Variants in PPP1R1C observed in about 807,000 individuals in gnomAD.
PPP1R1C encodes protein phosphatase 1 regulatory subunit 1C.
Under a neutral mutation model 17.4 loss-of-function variants are expected in PPP1R1C, and 15 were observed. The observed-to-expected ratio is 0.86, with a 90% CI of 0.58 to 1.33. The LOEUF (loss-of-function observed/expected upper bound fraction) is 1.33. Ranked by LOEUF, PPP1R1C falls within the 40% of genes most tolerant of loss-of-function variation. The pLI is 0.00. For synonymous variants in PPP1R1C, 35 were observed against 43.1 expected (o/e 0.81, Z 0.73); for missense variants, 143 against 130.0 (o/e 1.10, Z -0.48).
In PPP1R1C at chr2:181,957,393, A is replaced by G. The variant is rs950798344; in HGVS notation, n.111+2759A>G. ...AAAAAAATTGTGCTAACTCTTATCA[A>G]GCAAGCCCTTGAAATTCCACTCAAT... On this transcript the variant is annotated intron_variant and non_coding_transcript_variant, in intron 1 of 5. Coordinates refer to the PPP1R1C transcript ENST00000464264. This position sits in a 1 kb window ranked among gnomAD's most constrained non-coding sequence, Gnocchi z 4.2. Among the ~76,000 whole-genome samples the G allele has an allele frequency of 6.6e-6, 1 of 152,138 alleles. No individual in the cohort carries two copies. Among genetic ancestry groups the G allele is most frequent in the Admixed American group, 6.5e-5 (1 of 15,274 alleles).
At chr2:182,118,225 A>G (rs1374444146), downstream of PPP1R1C, among the ~76,000 whole-genome samples, 3 of 152,188 alleles carry the variant, frequency 2.0e-5, no homozygotes, top group Non-Finnish European at 4.4e-5. Context: ...TTATAGAAAT[A>G]AAAGAAAGAT....
chr2:182,058,103 A>T (rs1340992082), intron 2 of PPP1R1C, among the ~76,000 whole-genome samples: 1 of 152,100 alleles, frequency 6.6e-6, no homozygotes, highest in Non-Finnish European at 1.5e-5. Context: ...ACTGAAACCC[A>T]TAGTTTATTG....
At chr2:182,015,223 A>G (rs1422334809) in intron 2 of PPP1R1C, among the ~76,000 whole-genome samples, 1 of 152,162 alleles carries the variant, frequency 6.6e-6, no homozygotes, top group Non-Finnish European at 1.5e-5. Flanking sequence ...TAATTGAATC[A>G]TGGGGGCAGT....
At chr2:181,983,368 C>T (rs944485236), upstream of PPP1R1C, among the ~76,000 whole-genome samples, 7 of 152,128 alleles carry the variant, frequency 4.6e-5, no homozygotes, top group African/African-American at 1.7e-4. Flanking sequence ...TAATATCTAC[C>T]TCAAACAGTT....
chr2:182,067,355 C>A (rs1421671651), intron 4 of PPP1R1C, among the ~76,000 whole-genome samples: 1 of 150,878 alleles, frequency 6.6e-6, no homozygotes. Context: ...TTTTTTTCAA[C>A]CCCTTCTCAT....
At chr2:182,054,426 T>G (rs1295992649) in intron 2 of PPP1R1C, among the ~76,000 whole-genome samples, 1 of 152,192 alleles carries the variant, frequency 6.6e-6, no homozygotes, top group Non-Finnish European at 1.5e-5. Flanking sequence ...TTGCTACTAC[T>G]TTATATTTAT....
chr2:182,083,673 C>T (rs1446105596), intron 4 of PPP1R1C, among the ~76,000 whole-genome samples: 2 of 152,030 alleles, frequency 1.3e-5, no homozygotes, highest in Non-Finnish European at 2.9e-5. Flanking sequence ...TTGATGGGCA[C>T]TTAGTTTTGT....
downstream of PPP1R1C, among the ~76,000 whole-genome samples, chr2:182,118,707 A>G (rs1054739775): frequency 6.6e-6 from 1 of 152,116 alleles, no homozygotes; most frequent in Admixed American, 6.6e-5. Context: ...TTTCCCCAAG[A>G]AAATAAGTGT....
chr2:181,974,252 A>C (rs1321764374), intron 1 of PPP1R1C, among the ~76,000 whole-genome samples: 1 of 152,180 alleles, frequency 6.6e-6, no homozygotes, highest in Non-Finnish European at 1.5e-5. Flanking sequence ...GGTTGTGAAT[A>C]TTAATTAAAA....
intron 1 of PPP1R1C, among the ~76,000 whole-genome samples, chr2:181,955,402 G>C (rs889314296): frequency 5.3e-5 from 8 of 152,088 alleles, no homozygotes; most frequent in African/African-American, 1.9e-4. Flanking sequence ...TTTTCCACCA[G>C]GGAAAGGCCA....
chr2:182,001,278 G>A (rs1276935797), intron 2 of PPP1R1C, among the ~76,000 whole-genome samples: 1 of 152,128 alleles, frequency 6.6e-6, no homozygotes, highest in African/African-American at 2.4e-5. Flanking sequence ...GACTGCAGAT[G>A]CATAGACAAT....
At position 182,000,522 on chromosome 2, in the gene PPP1R1C, A is replaced by T. The variant is rs531619003; in HGVS notation, c.142+12623A>T. ...CCAAGCTGGAGGATCAGTAATCTCAACTAATTGGAATTGGACAAGAGTTTG... is the reference window on the plus strand; with the variant it reads ...CCAAGCTGGAGGATCAGTAATCTCATCTAATTGGAATTGGACAAGAGTTTG... On this transcript the variant is annotated intron_variant, in intron 2 of 4. Transcript: ENST00000682840. Among the ~76,000 whole-genome samples the T allele has an allele frequency of 5.3e-5, 8 of 152,328 alleles. No homozygotes were observed. The South Asian group carries it at 1.7e-3, about 32-fold the overall frequency.
intron 2 of PPP1R1C, among the ~76,000 whole-genome samples, chr2:182,019,192 A>T (rs930495253): frequency 6.6e-6 from 1 of 152,166 alleles, no homozygotes; most frequent in South Asian, 2.1e-4. Flanking sequence ...ATACAGCTTG[A>T]AGTTATCTAA....
At chr2:182,095,116 C>A (rs1688893716) in intron 4 of PPP1R1C, among the ~76,000 whole-genome samples, 2 of 151,980 alleles carry the variant, frequency 1.3e-5, no homozygotes, top group Non-Finnish European at 2.9e-5. Context: ...TGGTGAAACC[C>A]CATCTCTACT....
intron 4 of PPP1R1C, among the ~76,000 whole-genome samples, chr2:182,094,722 T>C (rs1196146): frequency 0.69 from 104,839 of 151,956 alleles, 36,507 homozygotes; most frequent in African/African-American, 0.77. Flanking sequence ...GAATTGCAGA[T>C]GTGTAAAAAA....
intron 2 of PPP1R1C, among the ~76,000 whole-genome samples, chr2:181,975,545 T>C (rs1459484088): frequency 6.6e-6 from 1 of 152,040 alleles, no homozygotes; most frequent in Non-Finnish European, 1.5e-5. Flanking sequence ...GCACTTGTTA[T>C]CCATAGCTTA....
At chr2:182,115,625 A>G (rs1034837498) in intron 4 of PPP1R1C, among the ~76,000 whole-genome samples, 27 of 152,162 alleles carry the variant, frequency 1.8e-4, no homozygotes, top group Non-Finnish European at 2.4e-4. Context: ...GATAATGTGA[A>G]GTGAATTCCA....
Position 182,016,760 on chromosome 2 carries a change from A to G in PPP1R1C, c.142+28861A>G, listed in dbSNP as rs532325971. The stretch of plus-strand genomic sequence containing the variant: ...TAGGAACCATTTAGTCAGAATACAC[A>G]TCTAATTTTGTCCTTGTTTCTGATA... On this transcript the variant is annotated intron_variant, in intron 2 of 4. Coordinates refer to ENST00000682840, the MANE Select transcript of PPP1R1C (RefSeq NM_001080545.3). Among the ~76,000 whole-genome samples the G allele has an allele frequency of 7.2e-5, 11 of 152,298 alleles. No homozygotes were observed. In the South Asian group the frequency reaches 1.7e-3, roughly 23 times the overall value.
chr2:181,961,629 C>T lies in PPP1R1C; in HGVS notation n.111+6995C>T, dbSNP rs548887585. ...CAGCATCTCCAACCTTGGTGGACTG[C>T]GTAGTGACCACTGTGGTGCTCTTCT... is the stretch of plus-strand genomic sequence containing the variant. On this transcript the variant is annotated intron_variant and non_coding_transcript_variant, in intron 1 of 5. Coordinates refer to the PPP1R1C transcript ENST00000464264. The surrounding 1 kb of genome is among the most constrained non-coding windows in gnomAD (Gnocchi z 5.8). The T allele has an allele frequency of 5.4e-6, 4 of 743,342 alleles. No homozygotes were observed. The highest frequency in any genetic ancestry group is 3.4e-5 in the African/African-American group (2 of 58,740). 46.0% of individuals were successfully genotyped at this position (743,342 alleles called of 1,614,324 possible).
Sources: gnomAD v4.1 joint callset for allele counts (sites outside exome capture counted in the v4.1 genomes callset) on GRCh38, gnomAD v4.1.1 for gene constraint, Gnocchi (gnomAD v3.1) non-coding constraint, MANE v1.5 for transcripts, NCBI Gene and HGNC (gene_info 2026-07-23, HGNC 2026-07-21) for gene names.